KIF21A: variants seen among roughly 807,000 people sequenced by gnomAD.
KIF21A encodes kinesin-like protein KIF21A.
Under a neutral mutation model 202.9 loss-of-function variants are expected in KIF21A, and 114 were observed. The observed-to-expected ratio is 0.56, with a 90% confidence interval of 0.48 to 0.66. KIF21A has a LOEUF of 0.66. KIF21A is among the 30% of genes least tolerant of loss of function. KIF21A has a pLI of 0.00. For missense variants in KIF21A, 1,677 were observed against 1,994.9 expected (o/e 0.84, Z 3.04); for synonymous variants, 667 against 670.8 (o/e 0.99, Z 0.09).
chr12:39,349,501 G>C (rs531923120), intron 11 of KIF21A, among the ~76,000 whole-genome samples: 60 of 152,142 alleles, frequency 3.9e-4, no homozygotes, highest in Non-Finnish European at 7.5e-4. Flanking sequence ...TCACTTCCAA[G>C]GAGCTCCTGT....
chr12:39,369,639 C>T (rs1450777974), intron 3 of KIF21A, 90 bp downstream of exon 3: 1 of 922,600 alleles, frequency 1.1e-6, no homozygotes, highest in East Asian at 2.4e-5. Context: ...ATCTTCAAAG[C>T]ACTATACTTG....
intron 14 of KIF21A, 109 bp from the exon 15 acceptor site, chr12:39,341,203 G>C: frequency 2.2e-6 from 2 of 898,650 alleles, no homozygotes; most frequent in Non-Finnish European, 3.4e-6. Flanking sequence ...TATTCACTTA[G>C]TAGTTATTAG....
At position 39,357,245 on chromosome 12, in the gene KIF21A, T is replaced by C; in HGVS notation, c.1405+3A>G. 4 of 1,613,952 alleles carry C rather than the reference T, an allele frequency of 2.5e-6. No homozygotes were observed. Among genetic ancestry groups the C allele is most frequent in the East Asian group, 2.2e-5 (1 of 44,874 alleles). Reference sequence around the variant, plus strand: ...CCTCACTTATCCCACCCTACCCACATACCTGCTCTGGCAAGAACATGGTTG... The same window carrying C: ...CCTCACTTATCCCACCCTACCCACACACCTGCTCTGGCAAGAACATGGTTG... On this transcript the variant is annotated splice_donor_region_variant and intron_variant, in intron 9 of 37. Coordinates refer to ENST00000361418, the MANE Select transcript of KIF21A (RefSeq NM_001173464.2).
intron 1 of KIF21A, among the ~76,000 whole-genome samples, chr12:39,436,803 A>T (rs995389272): frequency 3.9e-5 from 6 of 152,146 alleles, no homozygotes; most frequent in Admixed American, 1.3e-4. Flanking sequence ...CTCTGAGAAG[A>T]TTAAATAGTT....
chr12:39,349,592 C>T (rs1390191510), intron 11 of KIF21A, among the ~76,000 whole-genome samples: 2 of 152,056 alleles, frequency 1.3e-5, no homozygotes, highest in Admixed American at 6.6e-5. Flanking sequence ...TGGTTCTTTA[C>T]TAACTTGTAG....
intron 29 of KIF21A, among the ~76,000 whole-genome samples, chr12:39,316,633 C>T (rs370616575): frequency 2.2e-4 from 34 of 152,178 alleles, no homozygotes; most frequent in African/African-American, 7.9e-4. Flanking sequence ...ATCTATTCGA[C>T]TGTACAACAG....
intron 34 of KIF21A, among the ~76,000 whole-genome samples, chr12:39,306,784 G>A (rs968549363): frequency 6.6e-6 from 1 of 152,152 alleles, no homozygotes; most frequent in Non-Finnish European, 1.5e-5. Context: ...ACTTTGGGAG[G>A]CTTAGGTGGC....
chr12:39,436,448 A>ATATATATATATATATATATATATT (rs1387332677), intron 1 of KIF21A, among the ~76,000 whole-genome samples: 10 of 95,758 alleles, frequency 1.0e-4, no homozygotes, highest in African/African-American at 3.5e-4. Flanking sequence ...ATATATATAT[A>ATATATATATATATATATATATATT]TTTTTTTTTT....
intron 27 of KIF21A, chr12:39,321,521 A>G (rs1344796497): frequency 6.6e-6 from 1 of 152,238 alleles, no homozygotes; most frequent in Non-Finnish European, 1.5e-5. Flanking sequence ...CAATGAAGCC[A>G]TAAACTATTC....
chr12:39,368,919 T>A (rs991602007), intron 3 of KIF21A, among the ~76,000 whole-genome samples: 1 of 152,120 alleles, frequency 6.6e-6, no homozygotes, highest in Non-Finnish European at 1.5e-5. Flanking sequence ...ATCCTAGATG[T>A]CCTCTTAGTG....
chr12:39,418,989 C>T (rs537960504), intron 1 of KIF21A, among the ~76,000 whole-genome samples: 39 of 152,270 alleles, frequency 2.6e-4, no homozygotes, highest in South Asian at 2.1e-3. Flanking sequence ...TTGGTTTTCT[C>T]TTAAGCGGAA....
At chr12:39,364,878 A>C (rs1949494228) in intron 6 of KIF21A, among the ~76,000 whole-genome samples, 1 of 152,222 alleles carries the variant, frequency 6.6e-6, no homozygotes, top group African/African-American at 2.4e-5. Context: ...TGTAAAACTA[A>C]CAAATTAGCC....
At chr12:39,436,422 T>TTTTTTATATATATATA (rs1424497663) in intron 1 of KIF21A, among the ~76,000 whole-genome samples, 3 of 99,110 alleles carry the variant, frequency 3.0e-5, no homozygotes, top group African/African-American at 1.4e-4. Context: ...GTTTACTATA[T>TTTTTTATATATATATA]TATATATATA....
In KIF21A at chr12:39,301,529, G is replaced by A; in HGVS notation, c.4882C>T (p.Pro1628Ser). Residue 1628 changes from proline (P) to serine (S), a missense_variant, in exon 37 of 38, where the codon CCT (proline) becomes TCT (serine). Physicochemically the swap from Pro to Ser is moderately conservative, Grantham distance 74. Coordinates refer to ENST00000361418, the MANE Select transcript of KIF21A (RefSeq NM_001173464.2). ...PVGEMKGHDSPINAICVNSTH... is the reference protein window; with the variant it reads ...PVGEMKGHDSSINAICVNSTH... ...GAATTAACACATATGGCATTGATAG[G>A]ACTATCATGACCCTTCATCTCTCCC... 6.2e-7 allele frequency: 1 copy of A among 1,613,990 alleles called. No individual in the cohort carries two copies. Among genetic ancestry groups the A allele is most frequent in the South Asian group, 1.1e-5 (1 of 91,080 alleles).
intron 17 of KIF21A, among the ~76,000 whole-genome samples, chr12:39,336,559 A>G (rs567342611): frequency 6.6e-6 from 1 of 152,278 alleles, no homozygotes; most frequent in South Asian, 2.1e-4. Flanking sequence ...TCACAATTAC[A>G]AAGAATCCTA....
chr12:39,404,381 A>G (rs1952420982), intron 1 of KIF21A, among the ~76,000 whole-genome samples: 1 of 152,226 alleles, frequency 6.6e-6, no homozygotes, highest in Non-Finnish European at 1.5e-5. Flanking sequence ...CTTGATTAGA[A>G]ATAAAAATAA....
At chr12:39,333,353 A>G in intron 17 of KIF21A, 73 bp from the exon 18 acceptor site, 1 of 1,102,936 alleles carries the variant, frequency 9.1e-7, no homozygotes, top group Non-Finnish European at 1.4e-6. Context: ...ATATGAATAT[A>G]TTTCCCCATA....
intron 26 of KIF21A, among the ~76,000 whole-genome samples, chr12:39,325,498 A>ATTTTTTTTTTTTTTTT (rs397714587): frequency 2.1e-4 from 26 of 121,434 alleles, no homozygotes; most frequent in African/African-American, 7.3e-4. Flanking sequence ...CGCCCAGCTA[A>ATTTTTTTTTTTTTTTT]TTTTTTTTTT....
At chr12:39,410,951 A>C (rs1953034005) in intron 1 of KIF21A, among the ~76,000 whole-genome samples, 1 of 152,006 alleles carries the variant, frequency 6.6e-6, no homozygotes, top group Non-Finnish European at 1.5e-5. Context: ...CTGTCCTAAA[A>C]TGTCACCACC....
Sources: allele counts gnomAD v4.1 joint callset (sites outside exome capture counted in the v4.1 genomes callset), GRCh38; gene constraint gnomAD v4.1.1; transcripts MANE v1.5; gene names NCBI Gene and HGNC (gene_info 2026-07-23, HGNC 2026-07-21).